The following BRWD1 variants were observed in gnomAD, a reference collection of about 807,000 sequenced individuals.
The protein encoded by BRWD1 is bromodomain and WD repeat-containing protein 1.
Under a neutral mutation model 251.2 loss-of-function variants are expected in BRWD1, and 82 were observed. The observed-to-expected ratio is 0.33, with a 90% CI of 0.27 to 0.39. The LOEUF is 0.39. BRWD1 is among the 10% of genes least tolerant of loss of function. BRWD1 has a pLI of 1.00. For missense variants in BRWD1, 2,233 were observed against 2,711.6 expected (o/e 0.82, Z 3.92); for synonymous variants, 918 against 902.8 (o/e 1.02, Z -0.30).
Position 39,198,633 on chromosome 21 carries a change from T to A in BRWD1, c.5653+130A>T, listed in dbSNP as rs2031943688. ...ACAGAGAAGGCTAACACAGAATGCA[T>A]GGGAGGGAGAGAAACAGCAAAGAGA... On this transcript the variant is annotated intron_variant, in intron 40 of 40. Transcript: ENST00000342449. The A allele has an allele frequency of 1.3e-5, 9 of 694,120 alleles. No homozygotes were observed. In the South Asian group the frequency reaches 1.8e-4, roughly 14 times the overall value. The allele number at this position is 694,120 out of a possible 1,614,324, so 43.0% of individuals were successfully genotyped here.
chr21:39,298,012 T>C (rs1384625847), intron 5 of BRWD1: 22 of 985,948 alleles, frequency 2.2e-5, no homozygotes, highest in Non-Finnish European at 2.6e-5. Flanking sequence ...TGCTACCAAA[T>C]TTAGAAAATC....
At position 39,229,308 on chromosome 21, in the gene BRWD1, A is replaced by G; in HGVS notation, c.3125+4T>C. On this transcript the variant is annotated splice_donor_region_variant and intron_variant, in intron 26 of 40. Coordinates refer to ENST00000342449, the MANE Select transcript of BRWD1 (RefSeq NM_033656.4). ...GTAATTCCATTTTAAAAAATAATAC[A>G]TACCTAATAGAGAAAGATTTGTCCA... 1 of 1,587,256 alleles carries G rather than the reference A, an allele frequency of 6.3e-7. No individual in the cohort carries two copies. Among genetic ancestry groups the G allele is most frequent in the Non-Finnish European group, 8.6e-7 (1 of 1,159,760 alleles).
At chr21:39,204,223 G>A (rs1004408561) in intron 37 of BRWD1, among the ~76,000 whole-genome samples, 1 of 146,964 alleles carries the variant, frequency 6.8e-6, no homozygotes, top group Non-Finnish European at 1.5e-5. Context: ...AGCTATACTA[G>A]AGCCAAGTTC....
intron 4 of BRWD1, among the ~76,000 whole-genome samples, chr21:39,299,614 C>T (rs1294948530): frequency 6.6e-6 from 1 of 152,064 alleles, no homozygotes; most frequent in Non-Finnish European, 1.5e-5. Flanking sequence ...AAACCCATCA[C>T]AGCTGAAGAA....
intron 7 of BRWD1, among the ~76,000 whole-genome samples, chr21:39,294,245 C>T (rs960278834): frequency 6.6e-6 from 1 of 152,090 alleles, no homozygotes; most frequent in Non-Finnish European, 1.5e-5. Flanking sequence ...AAGATACTGC[C>T]GAGTTATCAT....
At chr21:39,299,712 C>T (rs1417597538) in intron 4 of BRWD1, among the ~76,000 whole-genome samples, 1 of 151,828 alleles carries the variant, frequency 6.6e-6, no homozygotes, top group Non-Finnish European at 1.5e-5. Context: ...CGGTGGCTCA[C>T]GCTTGTAATC....
At chr21:39,204,950 G>A (rs1243392802) in intron 37 of BRWD1, among the ~76,000 whole-genome samples, 1 of 152,114 alleles carries the variant, frequency 6.6e-6, no homozygotes, top group Non-Finnish European at 1.5e-5. Context: ...AGGTGCTGGG[G>A]ACTCCGACTC....
rs2031488264 is a variant in BRWD1, at chr21:39,190,345, A to G, written c.*5914T>C. ...ATATGGTTACTACAGAAGCATTATA[A>G]AATTTTCATTGGCATTTTTAAAATT... On this transcript the variant is annotated 3_prime_UTR_variant, in exon 41 of 41. Transcript: ENST00000342449. 2 of 985,148 alleles carry G rather than the reference A, an allele frequency of 2.0e-6. No homozygotes were observed. The highest frequency in any genetic ancestry group is 2.3e-4 in the East Asian group (2 of 8,832). 61.0% of individuals were successfully genotyped at this position (985,148 alleles called of 1,614,324 possible).
chr21:39,260,419 CG>C (rs764065575), intron 17 of BRWD1, among the ~76,000 whole-genome samples: 5 of 152,028 alleles, frequency 3.3e-5, no homozygotes, highest in Admixed American at 2.6e-4. Flanking sequence ...AGATTACAAG[CG>C]TGAGCCACTG....
At chr21:39,266,643 G>C (rs1472129576) in intron 15 of BRWD1, among the ~76,000 whole-genome samples, 3 of 152,224 alleles carry the variant, frequency 2.0e-5, no homozygotes, top group Non-Finnish European at 2.9e-5. Flanking sequence ...AGGACTTGGG[G>C]TTTCACTTGT....
chr21:39,199,085 C>A lies in BRWD1; in HGVS notation c.5331G>T (p.Thr1777=). ...TCTCTGCCTTAAGTTTCTGCACAGA[C>A]GTTGATGGGCCAGCAGTTCTGTTAC... ...HACNRTAGPS[T]SVQKLKAESI... The change falls in exon 40 of 41, where the codon ACG becomes ACT. Residue 1777 remains threonine, a synonymous_variant. Transcript: ENST00000342449. 2 of 1,614,084 alleles carry A rather than the reference C, an allele frequency of 1.2e-6. No homozygotes were observed. Among genetic ancestry groups the A allele is most frequent in the Non-Finnish European group, 1.7e-6 (2 of 1,180,002 alleles).
intron 5 of BRWD1, chr21:39,298,077 T>G (rs1036486859): frequency 3.7e-5 from 37 of 993,244 alleles, no homozygotes; most frequent in Non-Finnish European, 3.8e-5. Context: ...GAAATACCTC[T>G]AGCATTTAAA....
chr21:39,227,015 G>A (rs1032805551), intron 27 of BRWD1, among the ~76,000 whole-genome samples: 3 of 151,936 alleles, frequency 2.0e-5, no homozygotes, highest in Non-Finnish European at 4.4e-5. Context: ...TTACATGTTT[G>A]TATGCACTAT....
intron 4 of BRWD1, among the ~76,000 whole-genome samples, chr21:39,301,787 C>G (rs1461951313): frequency 6.6e-6 from 1 of 151,120 alleles, no homozygotes; most frequent in Non-Finnish European, 1.5e-5. Flanking sequence ...AATAAAAATC[C>G]TAAAAGCAAC....
intron 20 of BRWD1, among the ~76,000 whole-genome samples, chr21:39,249,637 G>A (rs938000637): frequency 6.6e-6 from 1 of 152,150 alleles, no homozygotes; most frequent in Non-Finnish European, 1.5e-5. Flanking sequence ...GTGGCCATCT[G>A]TCTAATGAGC....
chr21:39,275,264 A>G (rs929445880), intron 12 of BRWD1, among the ~76,000 whole-genome samples: 2 of 152,228 alleles, frequency 1.3e-5, no homozygotes, highest in Non-Finnish European at 2.9e-5. Context: ...GGAGGCAAAG[A>G]AGGAGTATAT....
At chr21:39,314,367 G>C (rs759598963), upstream of BRWD1, 43 of 455,490 alleles carry the variant, frequency 9.4e-5, no homozygotes, top group Admixed American at 5.4e-4. Context: ...TGCGAGTCGG[G>C]GGAGCAGCGC....
intron 19 of BRWD1, among the ~76,000 whole-genome samples, chr21:39,255,058 C>A (rs1449681631): frequency 2.0e-5 from 3 of 152,058 alleles, no homozygotes; most frequent in Non-Finnish European, 4.4e-5. Flanking sequence ...AATATTACAT[C>A]TAGAATTTCT....
chr21:39,240,053 TA>T (rs762145912), intron 21 of BRWD1, among the ~76,000 whole-genome samples: 7 of 151,502 alleles, frequency 4.6e-5, no homozygotes, highest in East Asian at 3.9e-4. Flanking sequence ...TATTCTGTGC[TA>T]AAAAAAACAA....
Sources: gnomAD v4.1 joint callset for allele counts (sites outside exome capture counted in the v4.1 genomes callset) on GRCh38, gnomAD v4.1.1 for gene constraint, MANE v1.5 for transcripts, NCBI Gene and HGNC (gene_info 2026-07-23, HGNC 2026-07-21) for gene names.